The following GPC6 variants were observed in gnomAD, a reference collection of about 807,000 sequenced individuals.
GPC6 encodes glypican 6, also known as glypican-6.
A neutral mutation model predicts 55.2 loss-of-function variants in GPC6; 14 were observed. That is an observed-to-expected ratio of 0.25 (90% CI 0.17 to 0.40). GPC6 has a LOEUF of 0.40. GPC6 is among the 10% of genes least tolerant of loss of function. The pLI is 1.00. For missense variants in GPC6, 641 were observed against 708.5 expected (o/e 0.90, Z 1.08); for synonymous variants, 278 against 259.6 (o/e 1.07, Z -0.68).
intron 1 of GPC6, among the ~76,000 whole-genome samples, chr13:93,312,067 T>C (rs563852586): frequency 1.3e-5 from 2 of 152,314 alleles, no homozygotes; most frequent in South Asian, 4.1e-4. Context: ...AGAAAGTACA[T>C]AAGCAGCCTA....
At chr13:94,313,051 A>C (rs939078870) in intron 6 of GPC6, among the ~76,000 whole-genome samples, 1 of 152,174 alleles carries the variant, frequency 6.6e-6, no homozygotes, top group Non-Finnish European at 1.5e-5. Context: ...TAACAGCAGC[A>C]AAATGCAGTG....
chr13:93,722,753 C>T (rs978558177), intron 2 of GPC6, among the ~76,000 whole-genome samples: 1 of 151,922 alleles, frequency 6.6e-6, no homozygotes, highest in South Asian at 2.1e-4. Flanking sequence ...GGGCCAGGCT[C>T]TCTCTAAAGT....
intron 4 of GPC6, among the ~76,000 whole-genome samples, chr13:94,186,581 C>T (rs1378680889): frequency 6.6e-6 from 1 of 152,070 alleles, no homozygotes; most frequent in Non-Finnish European, 1.5e-5. Flanking sequence ...CCCTTGGCTA[C>T]GATGTTGGTG....
intron 4 of GPC6, among the ~76,000 whole-genome samples, chr13:94,204,565 C>A (rs954976489): frequency 6.6e-6 from 1 of 152,156 alleles, no homozygotes; most frequent in Non-Finnish European, 1.5e-5. Flanking sequence ...GGCTTACCTT[C>A]TTTTATGGCT....
At chr13:94,062,998 A>G (rs1461406463) in intron 4 of GPC6, among the ~76,000 whole-genome samples, 1 of 152,192 alleles carries the variant, frequency 6.6e-6, no homozygotes. Flanking sequence ...GCCGCTAGGC[A>G]CGGGGTCAGG....
intron 1 of GPC6, among the ~76,000 whole-genome samples, chr13:93,318,247 T>G (rs1879309906): frequency 6.6e-6 from 1 of 152,182 alleles, no homozygotes; most frequent in South Asian, 2.1e-4. Context: ...GTTGAATGGT[T>G]CATAAATATG....
intron 4 of GPC6, among the ~76,000 whole-genome samples, chr13:94,183,886 G>A (rs1040632784): frequency 5.3e-5 from 8 of 152,138 alleles, no homozygotes; most frequent in African/African-American, 1.9e-4. Flanking sequence ...GGGAGAACAA[G>A]GGTTGAAGAA....
chr13:94,372,030 T>TCTTC (rs1026060245), intron 6 of GPC6, among the ~76,000 whole-genome samples: 18 of 152,082 alleles, frequency 1.2e-4, no homozygotes, highest in African/African-American at 4.1e-4. Context: ...AGTCAGTTTC[T>TCTTC]CTTCCTTCCT....
chr13:94,231,274 C>G (rs1890719148), intron 4 of GPC6, among the ~76,000 whole-genome samples: 1 of 152,110 alleles, frequency 6.6e-6, no homozygotes, highest in Non-Finnish European at 1.5e-5. Flanking sequence ...TTTGTAGAGA[C>G]AGCTCCCCGC....
chr13:93,914,374 A>G (rs960158666), intron 3 of GPC6, among the ~76,000 whole-genome samples: 10 of 152,190 alleles, frequency 6.6e-5, no homozygotes, highest in African/African-American at 1.9e-4. Flanking sequence ...AGCTTCATCC[A>G]TGTCCCTACA....
chr13:94,159,704 G>A (rs1418136869), intron 4 of GPC6, among the ~76,000 whole-genome samples: 3 of 152,268 alleles, frequency 2.0e-5, no homozygotes, highest in Non-Finnish European at 2.9e-5. Context: ...TTATGGAAGC[G>A]TATGCGAGAA....
chr13:93,789,529 A>AG (rs1885934905), intron 2 of GPC6, among the ~76,000 whole-genome samples: 1 of 138,242 alleles, frequency 7.2e-6, no homozygotes, highest in Non-Finnish European at 1.6e-5. Flanking sequence ...ATATATATAT[A>AG]TATATAGTCA....
chr13:94,324,379 A>G (rs1200544188), intron 6 of GPC6, among the ~76,000 whole-genome samples: 2 of 151,880 alleles, frequency 1.3e-5, no homozygotes, highest in Non-Finnish European at 2.9e-5. Flanking sequence ...GAAAACCCCA[A>G]AATAGGTGAT....
At chr13:93,553,139 C>A (rs1455932101) in intron 2 of GPC6, among the ~76,000 whole-genome samples, 2 of 152,148 alleles carry the variant, frequency 1.3e-5, no homozygotes, top group East Asian at 3.9e-4. Context: ...AAACCACTCA[C>A]TCTCTCTGGG....
intron 1 of GPC6, among the ~76,000 whole-genome samples, chr13:93,505,456 C>CAGAG (rs374453375): frequency 1.3e-5 from 2 of 149,790 alleles, no homozygotes; most frequent in Non-Finnish European, 3.0e-5. Context: ...CACACAGAGA[C>CAGAG]AGAGAGAGAG....
At chr13:93,254,059 C>CA (rs1289780640) in intron 1 of GPC6, among the ~76,000 whole-genome samples, 2 of 152,026 alleles carry the variant, frequency 1.3e-5, no homozygotes, top group Non-Finnish European at 2.9e-5. Context: ...CATGGTGGCT[C>CA]ACGCCTATAA....
In GPC6 at chr13:94,162,486, C is replaced by T. The variant is rs570551166; in HGVS notation, c.878-123863C>T. Among the ~76,000 whole-genome samples, 4 of 152,310 alleles carry T rather than the reference C, an allele frequency of 2.6e-5. No homozygotes were observed. The South Asian group carries it at 8.3e-4, about 32-fold the overall frequency. ...ACTGCGCCCAGCCCTGTGACACACT[C>T]AGTGGCTGGGGCTTGAGTGTGTTGT... On this transcript the variant is annotated intron_variant, in intron 4 of 8. Transcript: ENST00000377047.
At chr13:93,679,589 A>T (rs1420471852) in intron 2 of GPC6, among the ~76,000 whole-genome samples, 1 of 152,178 alleles carries the variant, frequency 6.6e-6, no homozygotes, top group Non-Finnish European at 1.5e-5. Flanking sequence ...AACTGGAACA[A>T]ATAGAAAATT....
chr13:93,898,874 A>T (rs114993349), intron 3 of GPC6, among the ~76,000 whole-genome samples: 2,414 of 150,572 alleles, frequency 0.016, 62 homozygotes, highest in African/African-American at 0.052. Context: ...AAGTTTCTGC[A>T]GTGAACACTA....
Sources: gnomAD v4.1 joint callset for allele counts (sites outside exome capture counted in the v4.1 genomes callset) on GRCh38, gnomAD v4.1.1 for gene constraint, MANE v1.5 for transcripts, NCBI Gene and HGNC (gene_info 2026-07-23, HGNC 2026-07-21) for gene names.